The following NOL4 variants were observed in gnomAD, a reference collection of about 807,000 sequenced individuals.
The protein encoded by NOL4 is cancer/testis antigen 125.
In NOL4, 17 loss-of-function variants were observed where a neutral mutation model predicts 75.9. The ratio of observed to expected loss-of-function variants is 0.22; its 90% CI spans 0.15 to 0.34. The LOEUF is 0.34. Among genes scored for constraint, NOL4 ranks in the 10% least tolerant of loss-of-function variants. NOL4 has a pLI of 1.00. For missense variants in NOL4, 614 were observed against 793.5 expected, an observed-to-expected ratio of 0.77 and a Z score of 2.72; for synonymous variants, 292 against 289.9, an observed-to-expected ratio of 1.01 and a Z score of -0.07.
chr18:34,011,601 A>T (rs1055298900), intron 6 of NOL4, among the ~76,000 whole-genome samples: 3 of 151,752 alleles, frequency 2.0e-5, no homozygotes, highest in African/African-American at 7.3e-5. Context: ...GATAGAACTC[A>T]AGTGGAAAAA....
chr18:33,971,894 A>C (rs911536535), intron 6 of NOL4, among the ~76,000 whole-genome samples: 6 of 152,306 alleles, frequency 3.9e-5, no homozygotes, highest in Admixed American at 3.9e-4. Context: ...GGCTGATCAC[A>C]GTGGCTCATA....
chr18:34,040,955 G>A (rs192951400), intron 5 of NOL4, among the ~76,000 whole-genome samples: 1 of 151,820 alleles, frequency 6.6e-6, no homozygotes, highest in East Asian at 1.9e-4. Context: ...ATTTAAGTTG[G>A]CAAGGAACAC....
chr18:34,057,349 G>C (rs902813063), intron 5 of NOL4, among the ~76,000 whole-genome samples: 3 of 152,196 alleles, frequency 2.0e-5, no homozygotes, highest in African/African-American at 7.2e-5. Context: ...CTCAGATAAA[G>C]AATACTGCTA....
intron 5 of NOL4, among the ~76,000 whole-genome samples, chr18:34,038,637 A>G (rs902163480): frequency 1.3e-4 from 20 of 151,980 alleles, no homozygotes; most frequent in Non-Finnish European, 2.1e-4. Context: ...CCCAGGTATA[A>G]TAAGATAAAT....
chr18:34,093,329 A>G (rs766199556), intron 5 of NOL4, 136 bp downstream of exon 5: 4 of 842,296 alleles, frequency 4.7e-6, no homozygotes, highest in South Asian at 2.0e-5. Context: ...ACCTAAATAC[A>G]TAGAGAAAAG....
At chr18:34,154,885 G>T (rs1257699793) in intron 1 of NOL4, among the ~76,000 whole-genome samples, 1 of 151,804 alleles carries the variant, frequency 6.6e-6, no homozygotes, top group African/African-American at 2.4e-5. Context: ...TAATTTCTCT[G>T]ATGACTACTG....
At chr18:34,024,505 T>A (rs1387891630) in intron 5 of NOL4, among the ~76,000 whole-genome samples, 2 of 151,972 alleles carry the variant, frequency 1.3e-5, no homozygotes, top group African/African-American at 4.8e-5. Flanking sequence ...ATAGTTTAAG[T>A]GCAACTCTCC....
In NOL4 at chr18:34,205,747, A is replaced by AT. The variant is rs1217748613; in HGVS notation, c.264+17242dup. 3.7e-4 allele frequency among the ~76,000 whole-genome samples: 56 copies of AT among 152,128 alleles called. 1 individual carries two copies. On this transcript the variant is annotated intron_variant, in intron 1 of 10. Coordinates refer to ENST00000261592, the MANE Select transcript of NOL4 (RefSeq NM_003787.5). ...GTGATTAGCAGATAACCAAGACCCT[A>AT]TCCCCTCCTCACTCTGGGAATATGA... is the stretch of plus-strand genomic sequence containing the variant.
intron 1 of NOL4, among the ~76,000 whole-genome samples, chr18:34,175,739 T>C (rs2146296161): frequency 6.6e-6 from 1 of 152,288 alleles, no homozygotes; most frequent in South Asian, 2.1e-4. Context: ...TAGATCACTA[T>C]GCTGAGAAAT....
At chr18:33,939,593 G>A (rs1459041093) in intron 9 of NOL4, among the ~76,000 whole-genome samples, 1 of 152,010 alleles carries the variant, frequency 6.6e-6, no homozygotes, top group African/African-American at 2.4e-5. Context: ...TGGTGTATAG[G>A]AATGCTTGTG....
intron 4 of NOL4, among the ~76,000 whole-genome samples, chr18:34,095,894 C>T (rs551163523): frequency 6.6e-6 from 1 of 151,568 alleles, no homozygotes; most frequent in East Asian, 1.9e-4. Context: ...TCACAAAAAG[C>T]TAACTATAAG....
chr18:34,187,860 C>A (rs1169926553), intron 1 of NOL4, among the ~76,000 whole-genome samples: 3 of 152,142 alleles, frequency 2.0e-5, no homozygotes, highest in Non-Finnish European at 4.4e-5. Flanking sequence ...ACCAAGGAGT[C>A]TGATTGCAGG....
intron 10 of NOL4, among the ~76,000 whole-genome samples, chr18:33,862,920 G>A (rs1276128804): frequency 6.6e-6 from 1 of 152,136 alleles, no homozygotes; most frequent in Non-Finnish European, 1.5e-5. Flanking sequence ...CCCATTACTG[G>A]GAATATACCC....
intron 6 of NOL4, among the ~76,000 whole-genome samples, chr18:33,964,294 A>G (rs545558708): frequency 6.6e-6 from 1 of 152,248 alleles, no homozygotes; most frequent in Non-Finnish European, 1.5e-5. Flanking sequence ...ACTATCTTAT[A>G]TTTCCTTTAA....
intron 9 of NOL4, among the ~76,000 whole-genome samples, chr18:33,907,090 GAGGC>G (rs2066096543): frequency 6.6e-6 from 1 of 152,040 alleles, no homozygotes; most frequent in South Asian, 2.1e-4. Flanking sequence ...TTGGGAGGCC[GAGGC>G]AGGTGGATCA....
chr18:33,966,053 T>A (rs1487939171), intron 6 of NOL4, among the ~76,000 whole-genome samples: 1 of 152,156 alleles, frequency 6.6e-6, no homozygotes, highest in African/African-American at 2.4e-5. Flanking sequence ...TTATATCCCC[T>A]CTGTTTTGAC....
intron 1 of NOL4, among the ~76,000 whole-genome samples, chr18:34,162,813 C>A (rs1211436403): frequency 1.3e-5 from 2 of 152,152 alleles, no homozygotes; most frequent in Non-Finnish European, 2.9e-5. Context: ...GACCAATATC[C>A]TGATGAACAT....
At chr18:34,222,581 C>A (rs1421130940) in intron 1 of NOL4, 3 of 532,184 alleles carry the variant, frequency 5.6e-6, no homozygotes, top group Non-Finnish European at 7.2e-6. Flanking sequence ...GCTCTCAGAG[C>A]GTGCGGCCGG....
intron 9 of NOL4, among the ~76,000 whole-genome samples, chr18:33,922,582 A>G (rs894206171): frequency 4.6e-5 from 7 of 152,198 alleles, no homozygotes; most frequent in Admixed American, 1.3e-4. Flanking sequence ...TTGCATCTCA[A>G]TGGCCTGAAA....
Sources: allele counts gnomAD v4.1 joint callset (sites outside exome capture counted in the v4.1 genomes callset), GRCh38; gene constraint gnomAD v4.1.1; transcripts MANE v1.5; gene names NCBI Gene and HGNC (gene_info 2026-07-23, HGNC 2026-07-21).